LAP3: variants seen among roughly 807,000 people sequenced by gnomAD.
LAP3 encodes the protein cytosol aminopeptidase.
In LAP3, 46 loss-of-function variants were observed where a neutral mutation model predicts 58.8. That is an observed-to-expected ratio of 0.78 (90% CI 0.62 to 1.00). The LOEUF is 1.00. Ranked by LOEUF, LAP3 falls within the 50% of genes least tolerant of loss-of-function variation. The pLI is 0.00. For synonymous variants in LAP3, 257 were observed against 237.7 expected, an observed-to-expected ratio of 1.08 and a Z score of -0.75; for missense variants, 615 against 659.1, an observed-to-expected ratio of 0.93 and a Z score of 0.73.
chr4:17,581,570 C>G (rs576586537), intron 2 of LAP3, among the ~76,000 whole-genome samples, 190 bp from the exon 3 acceptor site: 1 of 94,310 alleles, frequency 1.1e-5, no homozygotes, highest in African/African-American at 3.4e-5. Flanking sequence ...GAGACCCTGT[C>G]TCTATTTAAA....
At chr4:17,581,578 A>G (rs74705294) in intron 2 of LAP3, among the ~76,000 whole-genome samples, 182 bp from the exon 3 acceptor site, 1 of 20,064 alleles carries the variant, frequency 5.0e-5, no homozygotes, top group Non-Finnish European at 1.2e-4. Flanking sequence ...GTCTCTATTT[A>G]AAAAAAAAAA....
intron 7 of LAP3, among the ~76,000 whole-genome samples, chr4:17,593,609 G>GTTTTT (rs55676326): frequency 0.038 from 3,329 of 87,306 alleles, 616 homozygotes; most frequent in African/African-American, 0.15. Flanking sequence ...ATCTGCTTGG[G>GTTTTT]TTTTTTTTTT....
intron 7 of LAP3, among the ~76,000 whole-genome samples, chr4:17,590,148 T>C (rs548239067): frequency 7.9e-5 from 12 of 152,336 alleles, no homozygotes; most frequent in African/African-American, 2.9e-4. Flanking sequence ...TTTGTTTTAT[T>C]TGCTTAACTA....
intron 10 of LAP3, 113 bp downstream of exon 10, chr4:17,598,671 C>T: frequency 1.4e-6 from 1 of 690,536 alleles, no homozygotes; most frequent in Non-Finnish European, 2.6e-6. Context: ...GGTCCATTGG[C>T]ATTCAAAGAT....
Position 17,606,899 on chromosome 4 carries a change from A to G in LAP3, c.1331A>G (p.Asp444Gly). The G allele has an allele frequency of 6.2e-7, 1 of 1,613,480 alleles. No homozygotes were observed. Among genetic ancestry groups the G allele is most frequent in the Non-Finnish European group, 8.5e-7 (1 of 1,179,788 alleles). The part of the protein sequence containing the change: ...LFEHYTRQVV[D>G]CQLADVNNIG... ...GAACATTATACAAGACAGGTTGTAG[A>G]TTGCCAGCTTGCTGATGTTAACAAC... Residue 444 changes from aspartate (D) to glycine (G), a missense_variant, in exon 12 of 13, where the codon GAT (aspartate) becomes GGT (glycine). Asp to Gly is a moderately conservative substitution (Grantham distance 94, BLOSUM62 -1). Coordinates refer to ENST00000226299, the MANE Select transcript of LAP3 (RefSeq NM_015907.3).
chr4:17,599,818 C>T (rs1713942116), intron 10 of LAP3, among the ~76,000 whole-genome samples: 4 of 151,850 alleles, frequency 2.6e-5, no homozygotes, highest in South Asian at 2.1e-4. Context: ...GTGAAGCCAG[C>T]GCTTTAAGGC....
At chr4:17,600,465 G>A (rs1713955461) in intron 10 of LAP3, among the ~76,000 whole-genome samples, 1 of 152,082 alleles carries the variant, frequency 6.6e-6, no homozygotes. Context: ...TGTAAATGAG[G>A]AATCACAGAG....
At chr4:17,585,241 G>A (rs1713476204) in intron 6 of LAP3, 105 bp downstream of exon 6, 2 of 918,026 alleles carry the variant, frequency 2.2e-6, no homozygotes, top group South Asian at 3.2e-5. Context: ...CTTGAGACCA[G>A]AGATTTGAGA....
chr4:17,599,008 G>T (rs1713921665), intron 10 of LAP3, among the ~76,000 whole-genome samples: 1 of 152,110 alleles, frequency 6.6e-6, no homozygotes, highest in Non-Finnish European at 1.5e-5. Flanking sequence ...AAAGTGCTGG[G>T]GTTACAGGCA....
intron 5 of LAP3, among the ~76,000 whole-genome samples, chr4:17,584,003 G>A (rs1188567231): frequency 1.3e-5 from 2 of 152,246 alleles, no homozygotes; most frequent in Admixed American, 6.5e-5. Flanking sequence ...TGTGCTAAAT[G>A]CAAGCACCAC....
intron 7 of LAP3, among the ~76,000 whole-genome samples, chr4:17,589,976 A>C (rs1713638771): frequency 6.6e-6 from 1 of 152,178 alleles, no homozygotes; most frequent in Non-Finnish European, 1.5e-5. Flanking sequence ...TGGTTATTTC[A>C]GCCAAGGAGA....
chr4:17,594,116 T>C (rs1372688579), intron 7 of LAP3, among the ~76,000 whole-genome samples: 1 of 151,944 alleles, frequency 6.6e-6, no homozygotes, highest in African/African-American at 2.4e-5. Context: ...AGAAAATAAG[T>C]GGGTGGATTT....
Position 17,588,890 on chromosome 4 carries a change from C to T in LAP3, c.776C>T (p.Pro259Leu). The T allele has an allele frequency of 6.2e-7, 1 of 1,614,138 alleles. No homozygotes were observed. The highest frequency in any genetic ancestry group is 8.5e-7 in the Non-Finnish European group (1 of 1,180,028). ...GTGGCCAAAGGATCTGACGAGCCCCCAGTCTTCTTGGAAATTCACTACAAA... is the reference window on the plus strand; with the variant it reads ...GTGGCCAAAGGATCTGACGAGCCCCTAGTCTTCTTGGAAATTCACTACAAA... ...LSVAKGSDEP[P>L]VFLEIHYKGS... The change falls in exon 7 of 13, where the codon CCA (proline) becomes CTA (leucine). Residue 259 changes from proline (P) to leucine (L), a missense_variant. By Grantham distance (98) the Pro-to-Leu change is moderately conservative. Transcript: ENST00000226299.
At chr4:17,602,349 TC>T (rs769338185) in intron 10 of LAP3, among the ~76,000 whole-genome samples, 3 of 152,134 alleles carry the variant, frequency 2.0e-5, no homozygotes, top group Non-Finnish European at 4.4e-5. Flanking sequence ...TACTAGGAGC[TC>T]ATACCACAAC....
rs71709415 is a variant in LAP3 at position 17,583,658 on chromosome 4, TAGG to T, written c.539+23_539+25del. 25,108 of 1,613,660 alleles carry T rather than the reference TAGG, an allele frequency of 0.016. 3,061 individuals are homozygous for T. The African/African-American group carries it at 0.28, about 18-fold the overall frequency. On this transcript the variant is annotated intron_variant, in intron 5 of 12. Transcript: ENST00000226299. ...TCTATGGAAGGTGATGGAAGCAAAT[TAGG>T]AGGAGGGTGGTGCTCCCTGGCGTTC...
At chr4:17,604,528 G>T in intron 10 of LAP3, 60 bp from the exon 11 acceptor site, 1 of 1,205,152 alleles carries the variant, frequency 8.3e-7, no homozygotes, top group Non-Finnish European at 1.2e-6. Context: ...CATCTGGGTG[G>T]CGGAGGAGCC....
rs771054125 is a variant in LAP3, at chr4:17,579,861, A to G, written c.140A>G (p.Asp47Gly). The G allele has an allele frequency of 1.2e-6, 2 of 1,610,302 alleles. No homozygotes were observed. Among genetic ancestry groups the G allele is most frequent in the Admixed American group, 1.7e-5 (1 of 59,480 alleles). Residue 47 changes from aspartate (D) to glycine (G), a missense_variant, in exon 2 of 13, where the codon GAT (aspartate) becomes GGT (glycine). By Grantham distance (94) the Asp-to-Gly change is moderately conservative. Coordinates refer to ENST00000226299, the MANE Select transcript of LAP3 (RefSeq NM_015907.3). ...GGAATCTATTCCAAAGAAAAAGAAGATGATGTGCCACAGTTCACAAGTGCA... is the reference window on the plus strand; with the variant it reads ...GGAATCTATTCCAAAGAAAAAGAAGGTGATGTGCCACAGTTCACAAGTGCA... ...VLGIYSKEKE[D>G]DVPQFTSAGE...
At chr4:17,600,677 T>C (rs1164309711) in intron 10 of LAP3, among the ~76,000 whole-genome samples, 1 of 152,144 alleles carries the variant, frequency 6.6e-6, no homozygotes, top group African/African-American at 2.4e-5. Context: ...CACCAGGTGA[T>C]GGTTCCCCAA....
intron 6 of LAP3, chr4:17,586,001 C>G (rs1444265833): frequency 1.3e-5 from 2 of 152,204 alleles, no homozygotes; most frequent in African/African-American, 4.8e-5. Context: ...CACTTTTGGA[C>G]ACAAATGAAG....
Sources: allele counts gnomAD v4.1 joint callset (sites outside exome capture counted in the v4.1 genomes callset), GRCh38; gene constraint gnomAD v4.1.1; transcripts MANE v1.5; gene names NCBI Gene and HGNC (gene_info 2026-07-23, HGNC 2026-07-21).